BCAR3: variants seen among roughly 807,000 people sequenced by gnomAD.
BCAR3 encodes the protein breast cancer anti-estrogen resistance protein 3.
BCAR3 carries 37 observed loss-of-function variants against 80.1 expected under a neutral mutation model. The ratio of observed to expected loss-of-function variants is 0.46; its 90% CI spans 0.36 to 0.61. The LOEUF (loss-of-function observed/expected upper bound fraction) is 0.61, where lower values mean the gene tolerates loss of function less well. BCAR3 is among the 20% of genes least tolerant of loss of function. The pLI is 0.00. For missense variants in BCAR3, 978 were observed against 1,068.2 expected (o/e 0.92, Z 1.18); for synonymous variants, 389 against 418.9 (o/e 0.93, Z 0.87).
chr1:93,677,896 C>T (rs966778827), intron 1 of BCAR3, among the ~76,000 whole-genome samples: 2 of 152,010 alleles, frequency 1.3e-5, no homozygotes, highest in Non-Finnish European at 2.9e-5. Context: ...AGAGTAGATC[C>T]CTTAACTTGT....
intron 2 of BCAR3, among the ~76,000 whole-genome samples, chr1:93,744,600 T>C (rs1651289305): frequency 6.6e-6 from 1 of 152,218 alleles, no homozygotes; most frequent in African/African-American, 2.4e-5. Context: ...AGAAGCATCC[T>C]GAGCTTCCCT....
In BCAR3 at chr1:93,834,809, A is replaced by G. The variant is rs144552834; in HGVS notation, c.-63+10758T>C. On this transcript the variant is annotated intron_variant, in intron 2 of 13. Transcript: ENST00000370244. ...CTCACTCTTTGTTGAGTCTCCCACA[A>G]TTACCATTGTTCCTGGCCTGGACTT... 4.8e-3 allele frequency among the ~76,000 whole-genome samples: 735 copies of G among 152,202 alleles called. 9 individuals are homozygous for G. Among genetic ancestry groups the G allele is most frequent in the African/African-American group, 0.014 (583 of 41,496 alleles).
chr1:93,824,685 A>C (rs1654322120), intron 2 of BCAR3, among the ~76,000 whole-genome samples: 1 of 121,806 alleles, frequency 8.2e-6, no homozygotes, highest in African/African-American at 3.0e-5. Flanking sequence ...CTCTGGCTTT[A>C]TTCCTCCCAG....
At chr1:93,667,301 A>T (rs763926917) in intron 2 of BCAR3, among the ~76,000 whole-genome samples, 1 of 152,212 alleles carries the variant, frequency 6.6e-6, no homozygotes, top group Non-Finnish European at 1.5e-5. Flanking sequence ...TGCTCAACGC[A>T]GATTCCCAGT....
In BCAR3 at chr1:93,580,378, C is replaced by T. The variant is rs933666154; in HGVS notation, c.1686+1923G>A. Among the ~76,000 whole-genome samples, 6 of 152,250 alleles carry T rather than the reference C, an allele frequency of 3.9e-5. No individual in the cohort carries two copies. In the East Asian group the frequency reaches 7.7e-4, roughly 20 times the overall value. On this transcript the variant is annotated intron_variant, in intron 7 of 11. Coordinates refer to ENST00000260502, the MANE Select transcript of BCAR3 (RefSeq NM_003567.4). ...AGGGCTTCAAATGCCCAGGAACCAGCCTCTTTATATTGAAAAGATGGACCG... is the reference window on the plus strand; with the variant it reads ...AGGGCTTCAAATGCCCAGGAACCAGTCTCTTTATATTGAAAAGATGGACCG...
intron 7 of BCAR3, among the ~76,000 whole-genome samples, chr1:93,577,999 A>G (rs889832472): frequency 2.6e-5 from 4 of 152,224 alleles, no homozygotes; most frequent in African/African-American, 4.8e-5. Flanking sequence ...CAAATGCCCA[A>G]GGTTATGCAG....
chr1:93,665,038 A>G (rs1404346363), intron 2 of BCAR3, among the ~76,000 whole-genome samples: 2 of 152,144 alleles, frequency 1.3e-5, no homozygotes, highest in African/African-American at 2.4e-5. Flanking sequence ...AATGTCCTCA[A>G]GCCTCTAAGA....
intron 3 of BCAR3, among the ~76,000 whole-genome samples, chr1:93,696,313 A>G (rs1239476845): frequency 6.6e-6 from 1 of 152,070 alleles, no homozygotes; most frequent in Non-Finnish European, 1.5e-5. Flanking sequence ...GAATTCCCAC[A>G]TATTAGGATG....
Position 93,786,142 on chromosome 1 carries a change from G to A in BCAR3, c.-63+59425C>T, listed in dbSNP as rs1262570863. ...CGGGAGGCGGAGCTTGCAGTGAGCC[G>A]AGATCGCGCCACTGCACTCCCGCCT... is the stretch of plus-strand genomic sequence containing the variant. On this transcript the variant is annotated intron_variant, in intron 2 of 13. Transcript: ENST00000370244. Among the ~76,000 whole-genome samples the A allele has an allele frequency of 1.9e-5, 2 of 107,026 alleles. 1 individual carries two copies. Among genetic ancestry groups the A allele is most frequent in the African/African-American group, 1.1e-4 (2 of 19,012 alleles). The allele number at this position is 107,026 out of a possible 152,430, so 70.2% of individuals were successfully genotyped here. A position where few individuals can be genotyped will look rare whatever the true frequency, so the allele number is the denominator to read the frequency against.
intron 2 of BCAR3, among the ~76,000 whole-genome samples, chr1:93,827,310 T>A (rs571925547): frequency 2.0e-5 from 3 of 152,126 alleles, no homozygotes; most frequent in African/African-American, 7.2e-5. Flanking sequence ...GAGGCACATA[T>A]GGCATGATTT....
At chr1:93,613,713 ATCAG>A in intron 3 of BCAR3, 2 of 1,096,384 alleles carry the variant, frequency 1.8e-6, no homozygotes, top group Non-Finnish European at 2.6e-6. Flanking sequence ...TTGAAGACCC[ATCAG>A]TCAAAGAAAG....
chr1:93,775,572 A>G (rs1312236243), intron 2 of BCAR3: 1 of 152,222 alleles, frequency 6.6e-6, no homozygotes, highest in African/African-American at 2.4e-5. Flanking sequence ...CATTTTCTAT[A>G]TGTGTTCAAG....
intron 2 of BCAR3, among the ~76,000 whole-genome samples, chr1:93,655,595 A>G (rs1557642017): frequency 1.3e-5 from 2 of 152,336 alleles, no homozygotes; most frequent in South Asian, 4.1e-4. Context: ...TTTGCCTCCA[A>G]GCACTATACT....
chr1:93,676,311 G>A (rs1368631163), intron 1 of BCAR3, among the ~76,000 whole-genome samples: 1 of 152,202 alleles, frequency 6.6e-6, no homozygotes, highest in African/African-American at 2.4e-5. Flanking sequence ...ATTAGAGTGT[G>A]TAAAGAAAAC....
intron 2 of BCAR3, among the ~76,000 whole-genome samples, chr1:93,763,810 G>C (rs1652044119): frequency 6.6e-6 from 1 of 152,134 alleles, no homozygotes; most frequent in South Asian, 2.1e-4. Flanking sequence ...CAACCTCCAT[G>C]GTGTAAATGC....
intron 1 of BCAR3, among the ~76,000 whole-genome samples, chr1:93,677,685 G>T (rs1248253016): frequency 2.0e-5 from 3 of 152,178 alleles, no homozygotes; most frequent in Non-Finnish European, 4.4e-5. Context: ...ACAGAAGGTG[G>T]TGCGATGCTG....
rs1470753850 is a variant in BCAR3, at chr1:93,562,437, A to G, written c.2300-18T>C. 1.2e-6 allele frequency: 2 copies of G among 1,609,442 alleles called. No homozygotes were observed. Among genetic ancestry groups the G allele is most frequent in the African/African-American group, 1.3e-5 (1 of 74,798 alleles). ...TTGAAAACCTAATGAAACAAAATAAACAAAAAGTTACTTCAGTTCTGCCTA... is the reference window on the plus strand; with the variant it reads ...TTGAAAACCTAATGAAACAAAATAAGCAAAAAGTTACTTCAGTTCTGCCTA... On this transcript the variant is annotated intron_variant, in intron 11 of 11. Transcript: ENST00000260502.
chr1:93,705,929 A>G (rs1427445489), intron 3 of BCAR3, among the ~76,000 whole-genome samples: 2 of 152,206 alleles, frequency 1.3e-5, no homozygotes, highest in Non-Finnish European at 2.9e-5. Flanking sequence ...CCCAGAAACA[A>G]CTACGCTGGA....
intron 2 of BCAR3, among the ~76,000 whole-genome samples, chr1:93,763,972 ACT>A (rs1652052446): frequency 6.6e-6 from 1 of 152,112 alleles, no homozygotes; most frequent in African/African-American, 2.4e-5. Context: ...CCATGACTCC[ACT>A]TGTCAAGGAT....
Sources: allele counts gnomAD v4.1 joint callset (sites outside exome capture counted in the v4.1 genomes callset), GRCh38; gene constraint gnomAD v4.1.1; transcripts MANE v1.5; gene names NCBI Gene and HGNC (gene_info 2026-07-23, HGNC 2026-07-21).